The following DLGAP5 variants were observed in gnomAD, a reference collection of about 807,000 sequenced individuals.
DLGAP5 encodes the protein disks large-associated protein 5.
Under a neutral mutation model 99.6 loss-of-function variants are expected in DLGAP5, and 90 were observed. The ratio of observed to expected loss-of-function variants is 0.90; its 90% CI spans 0.76 to 1.08. The LOEUF (loss-of-function observed/expected upper bound fraction) is 1.08. DLGAP5 is among the 50% of genes least tolerant of loss of function. The pLI is 0.00. For missense variants in DLGAP5, 1,036 were observed against 983.5 expected (o/e 1.05, Z -0.71); for synonymous variants, 311 against 321.3 (o/e 0.97, Z 0.34).
intron 16 of DLGAP5, 30 bp downstream of exon 16, chr14:55,152,560 G>T (rs557848174): frequency 9.7e-6 from 15 of 1,542,700 alleles, no homozygotes; most frequent in African/African-American, 1.4e-5. Context: ...GACATACTGG[G>T]CTATCTAACC....
chr14:55,162,524 C>T (rs1332298050), intron 13 of DLGAP5, among the ~76,000 whole-genome samples: 1 of 151,232 alleles, frequency 6.6e-6, no homozygotes, highest in Admixed American at 6.6e-5. Flanking sequence ...GAGGCTGAGG[C>T]AGGAGAATGG....
At chr14:55,177,013 T>C in intron 8 of DLGAP5, 49 bp downstream of exon 8, 1 of 850,182 alleles carries the variant, frequency 1.2e-6, no homozygotes, top group Non-Finnish European at 1.6e-6. Context: ...AAGAAAGGCA[T>C]TTATTACCCA....
Position 55,176,064 on chromosome 14 carries a change from A to G in DLGAP5, c.1050-46T>C, listed in dbSNP as rs199876577. The G allele has an allele frequency of 5.3e-6, 8 of 1,510,290 alleles. No individual in the cohort carries two copies. In the Admixed American group the frequency reaches 9.7e-5, roughly 18 times the overall value. 93.6% of individuals were successfully genotyped at this position (1,510,290 alleles called of 1,614,324 possible). A position where few individuals can be genotyped will look rare whatever the true frequency, so the allele number is the denominator to read the frequency against. On this transcript the variant is annotated intron_variant, in intron 8 of 18. Coordinates refer to ENST00000247191, the MANE Select transcript of DLGAP5 (RefSeq NM_014750.5). ...ATACTTCATGAAACATGAACTCCATATATCTAATATAAAGGGTTTCAAAAT... is the reference window on the plus strand; with the variant it reads ...ATACTTCATGAAACATGAACTCCATGTATCTAATATAAAGGGTTTCAAAAT...
chr14:55,180,255 C>A (rs1883226835), intron 6 of DLGAP5, among the ~76,000 whole-genome samples: 1 of 152,224 alleles, frequency 6.6e-6, no homozygotes, highest in African/African-American at 2.4e-5. Context: ...CCTATGTCCA[C>A]ATATTCCCAT....
chr14:55,178,492 T>G (rs917540092), intron 7 of DLGAP5, among the ~76,000 whole-genome samples: 2 of 152,228 alleles, frequency 1.3e-5, no homozygotes, highest in Non-Finnish European at 2.9e-5. Context: ...TTTCCAGGTT[T>G]CTGATTTTTA....
chr14:55,158,231 T>C (rs776461645), intron 14 of DLGAP5, among the ~76,000 whole-genome samples: 3 of 152,220 alleles, frequency 2.0e-5, no homozygotes, highest in Non-Finnish European at 2.9e-5. Context: ...ACCTTTCTCA[T>C]AGACTGTAGG....
Position 55,176,005 on chromosome 14 carries a change from C to T in DLGAP5, c.1063G>A (p.Ala355Thr). 6.2e-7 allele frequency: 1 copy of T among 1,605,348 alleles called. No homozygotes were observed. Among genetic ancestry groups the T allele is most frequent in the South Asian group, 1.1e-5 (1 of 89,464 alleles). ...PLKTEVDESQATKEILAQKCK... is the reference protein window; with the variant it reads ...PLKTEVDESQTTKEILAQKCK... ...TTTTGTGCCAAAATTTCTTTTGTTG[C>T]TTGAGACTCATCACTAAAAACAATA... The change falls in exon 9 of 19, where the codon GCA becomes ACA. Residue 355 changes from alanine to threonine, a missense_variant. Transcript: ENST00000247191.
In DLGAP5 at chr14:55,150,840, C is replaced by A; in HGVS notation, c.2377G>T (p.Asp793Tyr). 1.3e-6 allele frequency: 2 copies of A among 1,578,450 alleles called. No homozygotes were observed. Among genetic ancestry groups the A allele is most frequent in the South Asian group, 2.4e-5 (2 of 84,390 alleles). ...ETKISQSELF[D>Y]NKSLTTECHL... ...CATTCAGTAGTGAGACTTTTATTAT[C>A]AAATAGTTCTGAAAAACAACAAAAA... Residue 793 changes from aspartate to tyrosine, a missense_variant, in exon 18 of 19, where the codon GAT becomes TAT. Coordinates refer to ENST00000247191, the MANE Select transcript of DLGAP5 (RefSeq NM_014750.5).
Position 55,171,549 on chromosome 14 carries a change from A to G in DLGAP5, c.1302-762T>C, listed in dbSNP as rs1566502015. 2.0e-5 allele frequency among the ~76,000 whole-genome samples: 3 copies of G among 152,232 alleles called. No individual in the cohort carries two copies. In the South Asian group the frequency reaches 6.2e-4, roughly 32 times the overall value. On this transcript the variant is annotated intron_variant, in intron 10 of 18. Coordinates refer to ENST00000247191, the MANE Select transcript of DLGAP5 (RefSeq NM_014750.5). ...ATGTAAAACGGCAAAGCCACTGTAG[A>G]AAACAGTATGGCAGCTCCTCAAAAA... is the stretch of plus-strand genomic sequence containing the variant.
Position 55,177,048 on chromosome 14 carries a change from GATCAT to G in DLGAP5, c.1049+9_1049+13del. 1 of 1,135,162 alleles carries G rather than the reference GATCAT, an allele frequency of 8.8e-7. No individual in the cohort carries two copies. The highest frequency in any genetic ancestry group is 1.1e-6 in the Non-Finnish European group (1 of 879,246). 70.3% of individuals were successfully genotyped at this position (1,135,162 alleles called of 1,614,324 possible). Reference sequence around the variant, plus strand: ...ATCTTAGCAAGAGACTTATTATTAAGATCATATTCTTACACTTCTGTTTTTAAAGG... The same window carrying G: ...ATCTTAGCAAGAGACTTATTATTAAGATTCTTACACTTCTGTTTTTAAAGG... On this transcript the variant is annotated intron_variant, in intron 8 of 18. Coordinates refer to ENST00000247191, the MANE Select transcript of DLGAP5 (RefSeq NM_014750.5).
chr14:55,176,218 T>A (rs1329602691), intron 8 of DLGAP5, among the ~76,000 whole-genome samples, 200 bp from the exon 9 acceptor site: 1 of 152,192 alleles, frequency 6.6e-6, no homozygotes, highest in Non-Finnish European at 1.5e-5. Context: ...GTAATCAGAT[T>A]CAAAGATTTT....
chr14:55,162,862 T>C, intron 13 of DLGAP5, 109 bp downstream of exon 13: 1 of 509,930 alleles, frequency 2.0e-6, no homozygotes, highest in East Asian at 3.3e-5. Flanking sequence ...TAAATGTTTT[T>C]AAAACTTAAA....
At position 55,148,476 on chromosome 14, in the gene DLGAP5, G is replaced by A. The variant is rs1482845835; in HGVS notation, c.2419-3C>T. On this transcript the variant is annotated splice_polypyrimidine_tract_variant and splice_region_variant and intron_variant, in intron 18 of 18. Coordinates refer to ENST00000247191, the MANE Select transcript of DLGAP5 (RefSeq NM_014750.5). ...GGATTACTGCAGTTTAGACCTGGCT[G>A]GAGAACAAATCCAGAGAAGTCAGTA... The A allele has an allele frequency of 2.5e-6, 4 of 1,613,762 alleles. No individual in the cohort carries two copies. Among genetic ancestry groups the A allele is most frequent in the Non-Finnish European group, 3.4e-6 (4 of 1,179,956 alleles).
intron 2 of DLGAP5, among the ~76,000 whole-genome samples, chr14:55,185,481 G>A (rs1041770727): frequency 2.0e-5 from 3 of 152,170 alleles, no homozygotes; most frequent in South Asian, 2.1e-4. Flanking sequence ...GTACAGGTGT[G>A]AGCCACCACG....
At chr14:55,162,871 A>C (rs1384304221) in intron 13 of DLGAP5, 100 bp downstream of exon 13, 4 of 528,316 alleles carry the variant, frequency 7.6e-6, no homozygotes, top group Non-Finnish European at 9.4e-6. Flanking sequence ...TTAAAACTTA[A>C]AAACAAGAAG....
rs373263635 is a variant in DLGAP5 at position 55,175,891 on chromosome 14, T to C, written c.1174+3A>G. On this transcript the variant is annotated splice_donor_region_variant and intron_variant, in intron 9 of 18. Coordinates refer to ENST00000247191, the MANE Select transcript of DLGAP5 (RefSeq NM_014750.5). ...AAATGAATAAATTAATTAAATACTATACCTTCATGCCAAACAGTTAGAGGA... is the reference window on the plus strand; with the variant it reads ...AAATGAATAAATTAATTAAATACTACACCTTCATGCCAAACAGTTAGAGGA... 3 of 1,584,214 alleles carry C rather than the reference T, an allele frequency of 1.9e-6. No individual in the cohort carries two copies. The highest frequency in any genetic ancestry group is 1.3e-5 in the African/African-American group (1 of 74,172).
rs1032292463 is a variant in DLGAP5, at chr14:55,184,638, C to T, written c.239-885G>A. 3.9e-5 allele frequency among the ~76,000 whole-genome samples: 6 copies of T among 152,228 alleles called. No homozygotes were observed. In the South Asian group the frequency reaches 8.3e-4, roughly 21 times the overall value. ...GTGTTTGCCTTGCTCTCTCTTGAAGCGTCGCTTGCTCTGGGAGAAGCCAGG... is the reference window on the plus strand; with the variant it reads ...GTGTTTGCCTTGCTCTCTCTTGAAGTGTCGCTTGCTCTGGGAGAAGCCAGG... On this transcript the variant is annotated intron_variant, in intron 2 of 18. Transcript: ENST00000247191.
In DLGAP5 at chr14:55,162,045, CTCATA is replaced by C. The variant is rs755645604; in HGVS notation, c.1653+921_1653+925del. Among the ~76,000 whole-genome samples, 3 of 151,774 alleles carry C rather than the reference CTCATA, an allele frequency of 2.0e-5. No individual in the cohort carries two copies. The East Asian group carries it at 5.8e-4, about 29-fold the overall frequency. On this transcript the variant is annotated intron_variant, in intron 13 of 18. Coordinates refer to ENST00000247191, the MANE Select transcript of DLGAP5 (RefSeq NM_014750.5). Reference sequence around the variant, plus strand: ...TGAGTTTATAACTACAGGCATTTTTCTCATATCATAAAGAAAAACTGACAATGCTT... The same window carrying C: ...TGAGTTTATAACTACAGGCATTTTTCTCATAAAGAAAAACTGACAATGCTT...
At chr14:55,185,292 C>T (rs1473459217) in intron 2 of DLGAP5, among the ~76,000 whole-genome samples, 3 of 152,190 alleles carry the variant, frequency 2.0e-5, no homozygotes, top group African/African-American at 7.2e-5. Context: ...CTCGGCCTCC[C>T]GGGTTCAAGC....
Sources: gnomAD v4.1 joint callset for allele counts (sites outside exome capture counted in the v4.1 genomes callset) on GRCh38, gnomAD v4.1.1 for gene constraint, MANE v1.5 for transcripts, NCBI Gene and HGNC (gene_info 2026-07-23, HGNC 2026-07-21) for gene names.